AP3S2: variants seen among roughly 807,000 people sequenced by gnomAD.
AP3S2 encodes AP-3 complex subunit sigma-2.
In AP3S2, 22 loss-of-function variants were observed where a neutral mutation model predicts 23.4. The ratio of observed to expected loss-of-function variants is 0.94; its 90% CI spans 0.67 to 1.34. AP3S2 has a LOEUF of 1.34. Ranked by LOEUF, AP3S2 falls within the 40% of genes most tolerant of loss-of-function variation. The pLI is 0.00. For synonymous variants in AP3S2, 86 were observed against 87.1 expected (o/e 0.99, Z 0.07); for missense variants, 241 against 236.9 (o/e 1.02, Z -0.11).
At chr15:89,884,828 T>G (rs1006394272) in intron 3 of AP3S2, among the ~76,000 whole-genome samples, 3 of 152,084 alleles carry the variant, frequency 2.0e-5, no homozygotes, top group African/African-American at 7.2e-5. Flanking sequence ...TTTTGTATTT[T>G]TAGTAGAGAC....
At chr15:89,858,730 A>G (rs1357425514) in intron 4 of AP3S2, among the ~76,000 whole-genome samples, 1 of 152,168 alleles carries the variant, frequency 6.6e-6, no homozygotes, top group Non-Finnish European at 1.5e-5. Context: ...AAGTAATACC[A>G]TGGGTAATAA....
chr15:89,867,929 T>A (rs1487831952), intron 4 of AP3S2, among the ~76,000 whole-genome samples: 2 of 124,512 alleles, frequency 1.6e-5, no homozygotes, highest in African/African-American at 3.0e-5. Context: ...GTGGGGGGGG[T>A]CAGCCCCCCA....
chr15:89,868,379 G>A (rs1200640566), intron 4 of AP3S2, among the ~76,000 whole-genome samples: 5 of 49,842 alleles, frequency 1.0e-4, no homozygotes, highest in South Asian at 7.5e-4. Flanking sequence ...CGCCCTGTCC[G>A]GGAGGGAGGT....
chr15:89,892,171 A>AGGCAAATTCCATTTGCCATTCTGGAACT lies in AP3S2; in HGVS notation c.69+1682_69+1709dup, dbSNP rs1487423904. 6.6e-5 allele frequency among the ~76,000 whole-genome samples: 10 copies of AGGCAAATTCCATTTGCCATTCTGGAACT among 152,230 alleles called. No homozygotes were observed. The South Asian group carries it at 8.3e-4, about 13-fold the overall frequency. ...TGATTCCATTTATAGGCAACGGAAT[A>AGGCAAATTCCATTTGCCATTCTGGAACT]GGCAAATTCCATTTGCCATTCTGGA... On this transcript the variant is annotated intron_variant, in intron 1 of 5. Transcript: ENST00000336418.
chr15:89,865,369 A>G (rs889502639), intron 4 of AP3S2: 1 of 152,212 alleles, frequency 6.6e-6, no homozygotes, highest in Non-Finnish European at 1.5e-5. Context: ...AGGAAGGCAT[A>G]TTAGTATAAT....
At chr15:89,860,155 A>T (rs1895978986) in intron 4 of AP3S2, among the ~76,000 whole-genome samples, 1 of 152,188 alleles carries the variant, frequency 6.6e-6, no homozygotes, top group Non-Finnish European at 1.5e-5. Context: ...AAGATAACAT[A>T]CAGAAAGTAC....
chr15:89,858,493 A>AAGAGAGAGAGAG (rs143172663), intron 4 of AP3S2, among the ~76,000 whole-genome samples: 3 of 60,306 alleles, frequency 5.0e-5, no homozygotes, highest in African/African-American at 1.0e-4. Context: ...GAAAGAAAGA[A>AAGAGAGAGAGAG]AGAGAGAGAG....
intron 3 of AP3S2, among the ~76,000 whole-genome samples, chr15:89,875,181 T>A (rs986505): frequency 0.71 from 107,413 of 152,118 alleles, 38,137 homozygotes; most frequent in East Asian, 0.8. Context: ...CTGAGCTCTG[T>A]TCTGCGGCAG....
intron 3 of AP3S2, among the ~76,000 whole-genome samples, chr15:89,880,089 A>T (rs1158041758): frequency 2.0e-5 from 3 of 151,568 alleles, no homozygotes; most frequent in Non-Finnish European, 4.4e-5. Flanking sequence ...ATGATATTAT[A>T]AGCCAGGATC....
chr15:89,852,626 C>G (rs929016929), intron 4 of AP3S2: 1 of 152,222 alleles, frequency 6.6e-6, no homozygotes, highest in African/African-American at 2.4e-5. Context: ...TTCTATCACT[C>G]TGCCTAAGGC....
At chr15:89,839,918 G>A (rs865789834) in intron 4 of AP3S2, among the ~76,000 whole-genome samples, 1 of 152,058 alleles carries the variant, frequency 6.6e-6, no homozygotes, top group Admixed American at 6.6e-5. Context: ...ATGTAACACG[G>A]ATGAACCTTG....
intron 3 of AP3S2, among the ~76,000 whole-genome samples, chr15:89,878,815 C>T (rs192905336): frequency 1.2e-4 from 18 of 152,290 alleles, no homozygotes; most frequent in African/African-American, 1.7e-4. Flanking sequence ...GGCATGATCT[C>T]GGCTCGCTGC....
chr15:89,875,796 A>G (rs1240035710), intron 3 of AP3S2, among the ~76,000 whole-genome samples: 2 of 152,144 alleles, frequency 1.3e-5, no homozygotes, highest in East Asian at 1.9e-4. Context: ...AAAAAACACA[A>G]AAGTTAGCCA....
rs969559884 is a variant in AP3S2 at position 89,887,532 on chromosome 15, C to T, written c.273+989G>A. Among the ~76,000 whole-genome samples the T allele has an allele frequency of 1.7e-4, 26 of 151,882 alleles. 1 individual carries two copies. Among genetic ancestry groups the T allele is most frequent in the African/African-American group, 5.1e-4 (21 of 41,430 alleles). ...GATTACTGGCACGTGCCACTACGCCCGGCTAATTCTTGTATTTTTAGTAGA... is the reference window on the plus strand; with the variant it reads ...GATTACTGGCACGTGCCACTACGCCTGGCTAATTCTTGTATTTTTAGTAGA... On this transcript the variant is annotated intron_variant, in intron 3 of 5. Coordinates refer to ENST00000336418, the MANE Select transcript of AP3S2 (RefSeq NM_005829.5).
intron 4 of AP3S2, among the ~76,000 whole-genome samples, chr15:89,860,011 G>A (rs755287298): frequency 1.3e-5 from 2 of 151,786 alleles, no homozygotes; most frequent in Non-Finnish European, 2.9e-5. Flanking sequence ...TGATCTGTCC[G>A]CCTTGGCCCT....
chr15:89,863,696 G>T (rs1221306192), intron 4 of AP3S2, among the ~76,000 whole-genome samples: 1 of 152,126 alleles, frequency 6.6e-6, no homozygotes, highest in African/African-American at 2.4e-5. Flanking sequence ...CTACTACTCC[G>T]GCCACATCTG....
Position 89,893,972 on chromosome 15 carries a change from A to G in AP3S2, c.-23T>C. On this transcript the variant is annotated 5_prime_UTR_variant, in exon 1 of 6. Transcript: ENST00000336418. ...CATCTTTGCCAGCCACGGTTCTCTC[A>G]GCACCGGCTACTCCCAGAAAGCTCC... is the stretch of plus-strand genomic sequence containing the variant. The G allele has an allele frequency of 6.5e-7, 1 of 1,550,280 alleles. No individual in the cohort carries two copies. Among genetic ancestry groups the G allele is most frequent in the Non-Finnish European group, 8.7e-7 (1 of 1,146,660 alleles).
intron 3 of AP3S2, among the ~76,000 whole-genome samples, chr15:89,874,481 G>C (rs927701942): frequency 6.6e-6 from 1 of 152,128 alleles, no homozygotes; most frequent in African/African-American, 2.4e-5. Flanking sequence ...AACTAAAATA[G>C]TATAATACTA....
chr15:89,839,941 G>A (rs1212397474), intron 4 of AP3S2, among the ~76,000 whole-genome samples: 2 of 151,818 alleles, frequency 1.3e-5, no homozygotes, highest in Admixed American at 6.6e-5. Flanking sequence ...GATACTATAA[G>A]TGAAACAACC....
Sources: gnomAD v4.1 joint callset for allele counts (sites outside exome capture counted in the v4.1 genomes callset) on GRCh38, gnomAD v4.1.1 for gene constraint, MANE v1.5 for transcripts, NCBI Gene and HGNC (gene_info 2026-07-23, HGNC 2026-07-21) for gene names.